The following ZNF282 variants were observed in gnomAD, a reference collection of about 807,000 sequenced individuals.
ZNF282 encodes the protein zinc finger protein 282, also known as HTLV-I U5 repressive element-binding protein 1.
ZNF282 carries 30 observed loss-of-function variants against 61.9 expected under a neutral mutation model. That is an observed-to-expected ratio of 0.48 (90% CI 0.36 to 0.66). ZNF282 has a LOEUF of 0.66. ZNF282 is among the 30% of genes least tolerant of loss of function. The probability of loss-of-function intolerance (pLI) is 0.00; values close to 1 mark genes in which losing one functional copy is unlikely to be tolerated. For synonymous variants in ZNF282, 396 were observed against 405.0 expected, an observed-to-expected ratio of 0.98 and a Z score of 0.27; for missense variants, 788 against 941.4, an observed-to-expected ratio of 0.84 and a Z score of 2.13.
In ZNF282 at chr7:149,203,846, A is replaced by G. The variant is rs114396541; in HGVS notation, c.586-2850A>G. Among the ~76,000 whole-genome samples, 1,172 of 152,352 alleles carry G rather than the reference A, an allele frequency of 7.7e-3. 13 individuals carry two copies. Among genetic ancestry groups the G allele is most frequent in the African/African-American group, 0.027 (1,103 of 41,584 alleles). The stretch of plus-strand genomic sequence containing the variant: ...CTTACTTCATGGAGTTGTGAGGATT[A>G]ATTAATTTTATTTGTGGGAAGACAC... On this transcript the variant is annotated intron_variant, in intron 2 of 7. Transcript: ENST00000610704.
intron 5 of ZNF282, among the ~76,000 whole-genome samples, chr7:149,211,296 T>C (rs781054970): frequency 6.6e-6 from 1 of 152,194 alleles, no homozygotes; most frequent in Non-Finnish European, 1.5e-5. Context: ...TTATTTTATT[T>C]TAAGGAATTG....
chr7:149,218,068 A>G (rs1563180273), intron 7 of ZNF282, among the ~76,000 whole-genome samples: 1 of 150,044 alleles, frequency 6.7e-6, no homozygotes, highest in Non-Finnish European at 1.5e-5. Context: ...ATGCCACTGC[A>G]CTCCAGCCTG....
At chr7:149,217,745 C>T (rs1415961054) in intron 7 of ZNF282, among the ~76,000 whole-genome samples, 1 of 151,986 alleles carries the variant, frequency 6.6e-6, no homozygotes, top group African/African-American at 2.4e-5. Context: ...GAAAGGCCTC[C>T]GAGGGGAAGC....
At chr7:149,212,609 C>A in intron 6 of ZNF282, 138 bp downstream of exon 6, 1 of 682,802 alleles carries the variant, frequency 1.5e-6, no homozygotes, top group Non-Finnish European at 2.4e-6. Flanking sequence ...GAGACGGAGT[C>A]TTGCTCTGTT....
chr7:149,201,596 A>G (rs1278759925), intron 2 of ZNF282, among the ~76,000 whole-genome samples: 1 of 152,124 alleles, frequency 6.6e-6, no homozygotes, highest in Non-Finnish European at 1.5e-5. Context: ...TACTAAAAAT[A>G]CAAAAATTAG....
Position 149,224,604 on chromosome 7 carries a change from C to G in ZNF282, c.1973C>G (p.Pro658Arg), listed in dbSNP as rs899124700. 1 of 1,560,056 alleles carries G rather than the reference C, an allele frequency of 6.4e-7. No individual in the cohort carries two copies. Among genetic ancestry groups the G allele is most frequent in the African/African-American group, 1.4e-5 (1 of 73,566 alleles). ...HLRVHSGGPG[P>R]GAPRQLPPPP... ...CGCGTGCACAGCGGCGGCCCGGGCC[C>G]CGGCGCCCCACGGCAGCTCCCGCCG... Residue 658 changes from proline (P) to arginine (R), a missense_variant, in exon 8 of 8, where the codon CCC (proline) becomes CGC (arginine). Pro to Arg is a moderately radical substitution (Grantham distance 103). Transcript: ENST00000610704.
At chr7:149,201,979 C>T (rs1053829498) in intron 2 of ZNF282, among the ~76,000 whole-genome samples, 10 of 151,994 alleles carry the variant, frequency 6.6e-5, no homozygotes, top group Non-Finnish European at 1.3e-4. Context: ...TGGCCGTCCT[C>T]GCCACCTCTT....
chr7:149,202,406 G>T (rs1197327852), intron 2 of ZNF282, among the ~76,000 whole-genome samples: 1 of 151,950 alleles, frequency 6.6e-6, no homozygotes, highest in East Asian at 1.9e-4. Flanking sequence ...CTGCCTCCCG[G>T]GTTCACACCA....
At chr7:149,212,317 G>T (rs755920858) in intron 5 of ZNF282, 41 bp from the exon 6 acceptor site, 1 of 1,421,844 alleles carries the variant, frequency 7.0e-7, no homozygotes, top group Non-Finnish European at 9.6e-7. Flanking sequence ...AGGAGATTTC[G>T]CATCTTCTAA....
intron 7 of ZNF282, among the ~76,000 whole-genome samples, chr7:149,215,052 G>C (rs1796141476): frequency 1.3e-5 from 2 of 152,070 alleles, no homozygotes; most frequent in South Asian, 4.1e-4. Context: ...ATGGATTGTT[G>C]AACATTCTTA....
At chr7:149,218,676 C>T (rs142702698) in intron 7 of ZNF282, among the ~76,000 whole-genome samples, 361 of 151,990 alleles carry the variant, frequency 2.4e-3, no homozygotes, top group African/African-American at 8.2e-3. Flanking sequence ...TCCACAGGAC[C>T]GTTCTCTCTT....
intron 2 of ZNF282, 102 bp from the exon 3 acceptor site, chr7:149,206,593 AG>A (rs1453486500): frequency 7.0e-6 from 11 of 1,561,512 alleles, no homozygotes; most frequent in Non-Finnish European, 9.6e-6. Context: ...CGGAGAGCAA[AG>A]GCCGGGCTTT....
Position 149,224,822 on chromosome 7 carries a change from ACG to A in ZNF282, c.*177_*178del. On this transcript the variant is annotated 3_prime_UTR_variant, in exon 8 of 8. Coordinates refer to ENST00000610704, the MANE Select transcript of ZNF282 (RefSeq NM_003575.4). Reference sequence around the variant, plus strand: ...CCCCAGATCTGTCTGGTCTGAATGGACGCCCAGCTCATCTAGGGTGGACCCAG... The same window carrying A: ...CCCCAGATCTGTCTGGTCTGAATGGACCCAGCTCATCTAGGGTGGACCCAG... 8.3e-7 allele frequency: 1 copy of A among 1,205,606 alleles called. No homozygotes were observed. The highest frequency in any genetic ancestry group is 1.1e-6 in the Non-Finnish European group (1 of 893,948). 74.7% of individuals were successfully genotyped at this position (1,205,606 alleles called of 1,614,324 possible). A position where few individuals can be genotyped will look rare whatever the true frequency, so the allele number is the denominator to read the frequency against.
intron 5 of ZNF282, among the ~76,000 whole-genome samples, chr7:149,212,086 C>T (rs1796092689): frequency 6.6e-6 from 1 of 152,174 alleles, no homozygotes; most frequent in African/African-American, 2.4e-5. Flanking sequence ...ATGGGAACCT[C>T]ATTCTAAGGA....
At chr7:149,209,439 C>T (rs976549988) in intron 4 of ZNF282, among the ~76,000 whole-genome samples, 1 of 152,172 alleles carries the variant, frequency 6.6e-6, no homozygotes, top group Non-Finnish European at 1.5e-5. Flanking sequence ...TGGGCATTTC[C>T]TCTAAATGGC....
chr7:149,223,664 G>A (rs1027542578), intron 7 of ZNF282, 148 bp from the exon 8 acceptor site: 8 of 871,488 alleles, frequency 9.2e-6, no homozygotes, highest in Non-Finnish European at 1.2e-5. Context: ...GAAGGGCCAC[G>A]TAGATCGTGG....
intron 7 of ZNF282, among the ~76,000 whole-genome samples, chr7:149,219,135 C>T (rs1165951063): frequency 6.6e-6 from 1 of 152,172 alleles, no homozygotes. Context: ...GGCCTCAAAC[C>T]CTAAACCTTT....
chr7:149,224,918 G>A lies in ZNF282; in HGVS notation c.*271G>A, dbSNP rs1181003187. ...TCGGGCACCGCCCTCACACCTCCTC[G>A]AGTGCCCTGGGACCACTGGGCCACA... is the stretch of plus-strand genomic sequence containing the variant. On this transcript the variant is annotated 3_prime_UTR_variant, in exon 8 of 8. Coordinates refer to ENST00000610704, the MANE Select transcript of ZNF282 (RefSeq NM_003575.4). 7.9e-6 allele frequency: 4 copies of A among 504,792 alleles called. No homozygotes were observed. The highest frequency in any genetic ancestry group is 7.7e-5 in the African/African-American group (4 of 51,756). The allele number at this position is 504,792 out of a possible 1,614,324, so 31.3% of individuals were successfully genotyped here. A position where few individuals can be genotyped will look rare whatever the true frequency, so the allele number is the denominator to read the frequency against.
chr7:149,223,675 C>A, intron 7 of ZNF282, 137 bp from the exon 8 acceptor site: 1 of 985,310 alleles, frequency 1.0e-6, no homozygotes, highest in Non-Finnish European at 1.3e-6. Flanking sequence ...TAGATCGTGG[C>A]CCAGCACCTT....
Sources: allele counts gnomAD v4.1 joint callset (sites outside exome capture counted in the v4.1 genomes callset), GRCh38; gene constraint gnomAD v4.1.1; transcripts MANE v1.5; gene names NCBI Gene and HGNC (gene_info 2026-07-23, HGNC 2026-07-21).